AP5Z1: variants seen among roughly 807,000 people sequenced by gnomAD.
AP5Z1 encodes the protein AP-5 complex subunit zeta-1.
A neutral mutation model predicts 83.0 loss-of-function variants in AP5Z1; 106 were observed. That is an observed-to-expected ratio of 1.28 (90% CI 1.09 to 1.50). AP5Z1 has a LOEUF of 1.50. AP5Z1 is among the 40% of genes most tolerant of loss of function. The pLI, the probability that AP5Z1 is intolerant of heterozygous loss-of-function variation, is 0.00. For missense variants in AP5Z1, 1,565 were observed against 1,094.2 expected (o/e 1.43, Z -6.07); for synonymous variants, 751 against 514.1 (o/e 1.46, Z -6.23).
chr7:4,786,116 C>T (rs575899196), intron 9 of AP5Z1, 134 bp from the exon 10 acceptor site: 15 of 860,524 alleles, frequency 1.7e-5, no homozygotes, highest in East Asian at 2.7e-5. Context: ...GCTTCCCCAG[C>T]GTCCCAGCGT....
Position 4,780,139 on chromosome 7 carries a change from G to A in AP5Z1, c.42-1036G>A, listed in dbSNP as rs908960477. ...TCCCCTGGCACAGCAACCCCTTTGC[G>A]CATTATTGGTTCTTTCTTTTAGACT... On this transcript the variant is annotated intron_variant, in intron 1 of 16. Transcript: ENST00000649063. Among the ~76,000 whole-genome samples the A allele has an allele frequency of 3.3e-5, 5 of 152,208 alleles. No homozygotes were observed. In the South Asian group the frequency reaches 6.2e-4, roughly 19 times the overall value.
chr7:4,785,760 C>CA, intron 9 of AP5Z1, 76 bp downstream of exon 9: 3 of 1,140,590 alleles, frequency 2.6e-6, no homozygotes, highest in Non-Finnish European at 3.4e-6. Flanking sequence ...TTCTTCTTCC[C>CA]TTTTTTTTTT....
chr7:4,780,766 G>A (rs963096963), intron 1 of AP5Z1, among the ~76,000 whole-genome samples: 11 of 151,848 alleles, frequency 7.2e-5, no homozygotes, highest in African/African-American at 2.4e-4. Flanking sequence ...ACTCCATCTC[G>A]GGGAAAAAAA....
At position 4,790,133 on chromosome 7, in the gene AP5Z1, C is replaced by G. The variant is rs765693911; in HGVS notation, c.1805+204C>G. The G allele has an allele frequency of 2.2e-5, 32 of 1,450,700 alleles. No homozygotes were observed. The Admixed American group carries it at 3.1e-4, about 14-fold the overall frequency. The allele number at this position is 1,450,700 out of a possible 1,614,324, so 89.9% of individuals were successfully genotyped here. A position where few individuals can be genotyped will look rare whatever the true frequency, so the allele number is the denominator to read the frequency against. On this transcript the variant is annotated intron_variant, in intron 14 of 16. Transcript: ENST00000649063. ...GCTTCTCAAGAACATTCCCGTCCTT[C>G]TTTCTGCCGAGCCTGTCCTCTTCAG...
In AP5Z1 at chr7:4,790,126, C is replaced by CTT. The variant is rs3031279; in HGVS notation, c.1805+197_1805+198insTT. 6.3e-6 allele frequency: 9 copies of CTT among 1,429,352 alleles called. No homozygotes were observed. The African/African-American group carries it at 7.2e-5, about 11-fold the overall frequency. 88.5% of individuals were successfully genotyped at this position (1,429,352 alleles called of 1,614,324 possible). ...TCTCTCTGCTTCTCAAGAACATTCCCGTCCTTCTTTCTGCCGAGCCTGTCC... is the reference window on the plus strand; with the variant it reads ...TCTCTCTGCTTCTCAAGAACATTCCCTTGTCCTTCTTTCTGCCGAGCCTGTCC... On this transcript the variant is annotated intron_variant, in intron 14 of 16. Transcript: ENST00000649063.
At chr7:4,780,995 G>A (rs888181085) in intron 1 of AP5Z1, among the ~76,000 whole-genome samples, 180 bp from the exon 2 acceptor site, 4 of 152,194 alleles carry the variant, frequency 2.6e-5, no homozygotes, top group Non-Finnish European at 5.9e-5. Context: ...CCCAGGGTGA[G>A]AGGAACCAGC....
intron 5 of AP5Z1, 102 bp downstream of exon 5, chr7:4,783,900 G>A (rs1356418591): frequency 6.3e-6 from 8 of 1,275,812 alleles, no homozygotes; most frequent in South Asian, 2.8e-5. Context: ...GTCGTTCCGC[G>A]GGGTCCAGGA....
At chr7:4,782,768 T>A (rs2115104943) in intron 3 of AP5Z1, among the ~76,000 whole-genome samples, 1 of 150,580 alleles carries the variant, frequency 6.6e-6, no homozygotes, top group South Asian at 2.2e-4. Flanking sequence ...TCACCCGCCC[T>A]TCTCCTCAAG....
chr7:4,788,088 C>T (rs1470776062), intron 11 of AP5Z1, 66 bp from the exon 12 acceptor site: 4 of 1,457,924 alleles, frequency 2.7e-6, no homozygotes, highest in South Asian at 2.8e-5. Flanking sequence ...GTGTGTCTCC[C>T]TGACGGGGGT....
Position 4,788,287 on chromosome 7 carries a change from ACTGAG to A in AP5Z1, c.1589_1593del (p.Thr530LysfsTer41). ...GCTGCGCCCCAAGGCCAGTGGCGCC[ACTGAG>A]AGGTACGGGGCCCTAGGGCCAGGGG... On this transcript the variant is annotated frameshift_variant and splice_region_variant, in exon 12 of 17. Coordinates refer to ENST00000649063, the MANE Select transcript of AP5Z1 (RefSeq NM_014855.3). LOFTEE classifies it high-confidence loss of function. The A allele has an allele frequency of 6.3e-7, 1 of 1,589,852 alleles. No individual in the cohort carries two copies. Among genetic ancestry groups the A allele is most frequent in the Non-Finnish European group, 8.5e-7 (1 of 1,169,680 alleles).
intron 3 of AP5Z1, among the ~76,000 whole-genome samples, chr7:4,783,085 C>T (rs1781427690): frequency 6.6e-6 from 1 of 152,232 alleles, no homozygotes; most frequent in Non-Finnish European, 1.5e-5. Context: ...GCCGTGCCCT[C>T]ACCCAGGCCC....
Position 4,783,294 on chromosome 7 carries a change from GTTTGCC to G in AP5Z1, c.367-21_367-16del, listed in dbSNP as rs1462007549. On this transcript the variant is annotated splice_polypyrimidine_tract_variant and intron_variant, in intron 3 of 16. Coordinates refer to ENST00000649063, the MANE Select transcript of AP5Z1 (RefSeq NM_014855.3). The stretch of plus-strand genomic sequence containing the variant: ...CTCTGGCACAGGCCAGTACCCCAGC[GTTTGCC>G]CTGTTTGATTTGAAGGGTGACAGAA... 3 of 1,584,712 alleles carry G rather than the reference GTTTGCC, an allele frequency of 1.9e-6. No homozygotes were observed. The highest frequency in any genetic ancestry group is 2.6e-6 in the Non-Finnish European group (3 of 1,164,554).
chr7:4,775,654 A>T lies in AP5Z1; in HGVS notation c.-62A>T. ...GTCCCGGAAGTTGACCGGGGTGCGG[A>T]GCTCCTGGGCTGCAGCTCCTGGAGT... is the stretch of plus-strand genomic sequence containing the variant. On this transcript the variant is annotated 5_prime_UTR_variant, in exon 1 of 17. Transcript: ENST00000649063. 1 of 1,598,990 alleles carries T rather than the reference A, an allele frequency of 6.3e-7. No individual in the cohort carries two copies. Among genetic ancestry groups the T allele is most frequent in the Non-Finnish European group, 8.5e-7 (1 of 1,177,278 alleles).
chr7:4,783,503 C>T (rs779621402), intron 4 of AP5Z1, 43 bp downstream of exon 4: 103 of 1,599,450 alleles, frequency 6.4e-5, no homozygotes, highest in Non-Finnish European at 8.4e-5. Flanking sequence ...GGTCTGCCTT[C>T]CCAGGTCCTT....
At position 4,785,144 on chromosome 7, in the gene AP5Z1, T is replaced by A. The variant is rs1054854270; in HGVS notation, c.931+96T>A. 3 of 1,498,876 alleles carry A rather than the reference T, an allele frequency of 2.0e-6. No homozygotes were observed. The African/African-American group carries it at 4.2e-5, about 21-fold the overall frequency. 92.8% of individuals were successfully genotyped at this position (1,498,876 alleles called of 1,614,324 possible). On this transcript the variant is annotated intron_variant, in intron 7 of 16. Transcript: ENST00000649063. ...CAGCACAGCTTCCCTGAGCTACTGC[T>A]CCACAGAGGGGGTCCCTGGGTAGCC...
In AP5Z1 at chr7:4,784,270, A is replaced by C; in HGVS notation, c.689A>C (p.His230Pro). ...TTCTTCACGGTGCTCTCCAGCGGCC[A>C]CCGCTTCACAGACGACCAGTGGCTG... The part of the protein sequence containing the change: ...TDFFTVLSSG[H>P]RFTDDQWLNV... The change falls in exon 6 of 17, where the codon CAC becomes CCC. Residue 230 changes from histidine to proline, a missense_variant. Coordinates refer to ENST00000649063, the MANE Select transcript of AP5Z1 (RefSeq NM_014855.3). 2 of 1,540,318 alleles carry C rather than the reference A, an allele frequency of 1.3e-6. No individual in the cohort carries two copies. The highest frequency in any genetic ancestry group is 1.8e-6 in the Non-Finnish European group (2 of 1,139,784).
chr7:4,777,984 C>T (rs890965492), intron 1 of AP5Z1, among the ~76,000 whole-genome samples: 4 of 152,230 alleles, frequency 2.6e-5, no homozygotes, highest in East Asian at 1.9e-4. Context: ...TTCGGGAGGC[C>T]GAGTTAGGAG....
chr7:4,790,359 A>AC lies in AP5Z1; in HGVS notation c.1806-98dup, dbSNP rs200558163. 1.9e-4 allele frequency: 299 copies of AC among 1,579,990 alleles called. 2 individuals are homozygous for AC. In the East Asian group the frequency reaches 6.1e-3, roughly 32 times the overall value. On this transcript the variant is annotated intron_variant, in intron 14 of 16. Transcript: ENST00000649063. The stretch of plus-strand genomic sequence containing the variant: ...CTATCGGAGGGTGCAGCATACACCT[A>AC]CCACTCAGACGCTTCCCGGGTTTCT...
intron 13 of AP5Z1, among the ~76,000 whole-genome samples, chr7:4,789,227 C>T (rs1275098856): frequency 2.7e-5 from 4 of 149,970 alleles, no homozygotes; most frequent in Non-Finnish European, 6.0e-5. Context: ...CGTCCCATCC[C>T]CTTCATCCCG....
Sources: allele counts gnomAD v4.1 joint callset (sites outside exome capture counted in the v4.1 genomes callset), GRCh38; gene constraint gnomAD v4.1.1; transcripts MANE v1.5; gene names NCBI Gene and HGNC (gene_info 2026-07-23, HGNC 2026-07-21).